Variants in WASL observed in about 807,000 individuals in gnomAD.
The protein encoded by WASL is WASP like actin nucleation promoting factor.
In WASL, 20 loss-of-function variants were observed where a neutral mutation model predicts 55.5. The observed-to-expected ratio is 0.36, with a 90% confidence interval of 0.25 to 0.52. The LOEUF is 0.52. Ranked by LOEUF, WASL falls within the 20% of genes least tolerant of loss-of-function variation. The pLI is 0.92. For synonymous variants in WASL, 249 were observed against 217.6 expected, an observed-to-expected ratio of 1.14 and a Z score of -1.27; for missense variants, 504 against 622.5, an observed-to-expected ratio of 0.81 and a Z score of 2.03.
chr7:123,698,436 A>G (rs995835423), intron 5 of WASL, among the ~76,000 whole-genome samples: 1 of 152,162 alleles, frequency 6.6e-6, no homozygotes, highest in African/African-American at 2.4e-5. Flanking sequence ...AAACAAAACT[A>G]AAACAAATTT....
intron 1 of WASL, among the ~76,000 whole-genome samples, chr7:123,743,336 C>CAAA (rs35592197): frequency 4.7e-5 from 5 of 106,194 alleles, no homozygotes; most frequent in Admixed American, 9.9e-5. Context: ...GACTCTGTCT[C>CAAA]AAAAAAAAAA....
chr7:123,716,595 A>G (rs572769916), intron 1 of WASL, among the ~76,000 whole-genome samples: 2 of 151,890 alleles, frequency 1.3e-5, no homozygotes, highest in Non-Finnish European at 2.9e-5. Flanking sequence ...TAACAAGGGG[A>G]AAAAAAAGAG....
chr7:123,688,883 A>G (rs1803345174), intron 10 of WASL, among the ~76,000 whole-genome samples, 159 bp downstream of exon 10: 1 of 152,208 alleles, frequency 6.6e-6, no homozygotes, highest in East Asian at 1.9e-4. Context: ...ACTTTTTAAA[A>G]TACATCCTAG....
intron 1 of WASL, among the ~76,000 whole-genome samples, chr7:123,747,476 A>C (rs561424252): frequency 9.2e-5 from 14 of 152,362 alleles, no homozygotes; most frequent in African/African-American, 3.4e-4. Context: ...TATGAAGTTA[A>C]CAATGAATCC....
intron 4 of WASL, among the ~76,000 whole-genome samples, chr7:123,705,705 AT>A (rs1287597313): frequency 1.3e-5 from 2 of 152,114 alleles, no homozygotes; most frequent in Non-Finnish European, 2.9e-5. Context: ...TTGTTCTATA[AT>A]TGTTTTATAT....
intron 7 of WASL, 96 bp from the exon 8 acceptor site, chr7:123,694,964 T>A: frequency 7.5e-7 from 1 of 1,333,694 alleles, no homozygotes; most frequent in Non-Finnish European, 1.0e-6. Flanking sequence ...TTATTTTGCC[T>A]AAACTTTTAA....
At chr7:123,734,678 T>C (rs1804196905) in intron 1 of WASL, among the ~76,000 whole-genome samples, 2 of 151,202 alleles carry the variant, frequency 1.3e-5, no homozygotes, top group Admixed American at 1.3e-4. Flanking sequence ...AGGGTATCTG[T>C]AGGGCAGTTA....
rs746997945 is a variant in WASL at position 123,706,835 on chromosome 7, A to G, written c.253-9T>C. ...CACAATAGTTTCCCATCCTAGAAAA[A>G]AGTTAAAAATTAAAATAAGAACTAC... On this transcript the variant is annotated splice_polypyrimidine_tract_variant and intron_variant, in intron 2 of 10. Transcript: ENST00000223023. 6.5e-7 allele frequency: 1 copy of G among 1,527,552 alleles called. No individual in the cohort carries two copies. Among genetic ancestry groups the G allele is most frequent in the Non-Finnish European group, 8.8e-7 (1 of 1,136,108 alleles). 94.6% of individuals were successfully genotyped at this position (1,527,552 alleles called of 1,614,324 possible). A position where few individuals can be genotyped will look rare whatever the true frequency, so the allele number is the denominator to read the frequency against.
At chr7:123,736,821 A>G (rs370128370) in intron 1 of WASL, among the ~76,000 whole-genome samples, 123 of 152,326 alleles carry the variant, frequency 8.1e-4, no homozygotes, top group African/African-American at 2.9e-3. Context: ...TACAAATCCA[A>G]TGCTACTCCA....
At chr7:123,720,966 T>C (rs1230776623) in intron 1 of WASL, among the ~76,000 whole-genome samples, 1 of 152,166 alleles carries the variant, frequency 6.6e-6, no homozygotes, top group Non-Finnish European at 1.5e-5. Context: ...AACAGTAACC[T>C]AGCAAGAATT....
intron 1 of WASL, among the ~76,000 whole-genome samples, chr7:123,725,068 G>A (rs1019220): frequency 0.75 from 113,902 of 152,120 alleles, 42,952 homozygotes; most frequent in South Asian, 0.83. Context: ...TAAAGTCAAC[G>A]TACATTTTTA....
intron 1 of WASL, among the ~76,000 whole-genome samples, chr7:123,710,254 T>C (rs1803733788): frequency 6.6e-6 from 1 of 151,332 alleles, no homozygotes; most frequent in African/African-American, 2.4e-5. Context: ...GAAAATCATT[T>C]AGAATATAAT....
chr7:123,733,913 C>CAAAA (rs33913069), intron 1 of WASL, among the ~76,000 whole-genome samples: 6 of 110,800 alleles, frequency 5.4e-5, no homozygotes, highest in Middle Eastern at 5.1e-3. Context: ...ATCCACGTGC[C>CAAAA]AAAAAAAAAA....
chr7:123,735,745 A>G (rs979098312), intron 1 of WASL, among the ~76,000 whole-genome samples: 15 of 152,152 alleles, frequency 9.9e-5, no homozygotes, highest in Non-Finnish European at 1.8e-4. Flanking sequence ...AGAAACACAG[A>G]AAAGGAAAAA....
chr7:123,708,149 G>A (rs1803701027), intron 2 of WASL, among the ~76,000 whole-genome samples: 1 of 152,006 alleles, frequency 6.6e-6, no homozygotes, highest in South Asian at 2.1e-4. Flanking sequence ...ACTCCAGGCT[G>A]GGTGACAGAG....
At chr7:123,722,486 C>G (rs117443511) in intron 1 of WASL, among the ~76,000 whole-genome samples, 1,962 of 152,216 alleles carry the variant, frequency 0.013, 16 homozygotes, top group Non-Finnish European at 0.021. Context: ...GTCTCTGTCT[C>G]CAAGATGTTA....
intron 1 of WASL, among the ~76,000 whole-genome samples, chr7:123,726,315 G>A (rs763771923): frequency 4.6e-5 from 7 of 152,198 alleles, no homozygotes; most frequent in Non-Finnish European, 8.8e-5. Context: ...AAATGAAACT[G>A]TAAAGAAAAA....
chr7:123,686,443 G>C (rs537012459), intron 10 of WASL, among the ~76,000 whole-genome samples: 9 of 152,166 alleles, frequency 5.9e-5, no homozygotes, highest in African/African-American at 1.9e-4. Context: ...TATCTATGGT[G>C]AAGAGGAAGA....
chr7:123,719,819 TA>T (rs1419008599), intron 1 of WASL, among the ~76,000 whole-genome samples: 1 of 152,150 alleles, frequency 6.6e-6, no homozygotes, highest in Non-Finnish European at 1.5e-5. Context: ...ACTGTCTTGG[TA>T]AATTCTTTTT....
Sources: allele counts gnomAD v4.1 joint callset (sites outside exome capture counted in the v4.1 genomes callset), GRCh38; gene constraint gnomAD v4.1.1; transcripts MANE v1.5; gene names NCBI Gene and HGNC (gene_info 2026-07-23, HGNC 2026-07-21).